Variants in TUBGCP3 observed in about 807,000 individuals in gnomAD.
TUBGCP3 encodes the protein tubulin gamma complex component 3.
TUBGCP3 carries 50 observed loss-of-function variants against 123.1 expected under a neutral mutation model. That is an observed-to-expected ratio of 0.41 (90% CI 0.32 to 0.51). The LOEUF (loss-of-function observed/expected upper bound fraction) is 0.51, where lower values mean the gene tolerates loss of function less well. Ranked by LOEUF, TUBGCP3 falls within the 20% of genes least tolerant of loss-of-function variation. TUBGCP3 has a pLI of 0.36. For missense variants in TUBGCP3, 882 were observed against 1,127.0 expected (o/e 0.78, Z 3.11); for synonymous variants, 405 against 413.9 (o/e 0.98, Z 0.26).
rs201922421 is a variant in TUBGCP3 at position 112,527,066 on chromosome 13, T to A, written c.1447-16A>T. 5.1e-6 allele frequency: 8 copies of A among 1,582,352 alleles called. No individual in the cohort carries two copies. In the South Asian group the frequency reaches 8.9e-5, roughly 18 times the overall value. On this transcript the variant is annotated splice_polypyrimidine_tract_variant and intron_variant, in intron 12 of 21. Transcript: ENST00000261965. ...TCAAAAGGACCTAAAAAGAAAAACATTCTATGATTACTTTTATGTAAATTT... is the reference window on the plus strand; with the variant it reads ...TCAAAAGGACCTAAAAAGAAAAACAATCTATGATTACTTTTATGTAAATTT...
At chr13:112,531,321 A>G (rs1877553430) in intron 11 of TUBGCP3, among the ~76,000 whole-genome samples, 1 of 152,208 alleles carries the variant, frequency 6.6e-6, no homozygotes, top group Non-Finnish European at 1.5e-5. Flanking sequence ...TCACTGATCT[A>G]TTTTAGCCTT....
chr13:112,551,364 T>C (rs1302823690), intron 8 of TUBGCP3, among the ~76,000 whole-genome samples: 1 of 147,432 alleles, frequency 6.8e-6, no homozygotes, highest in Admixed American at 6.7e-5. Flanking sequence ...TCATATATGA[T>C]TTTGCTCCAT....
chr13:112,528,572 T>C (rs1054155353), intron 11 of TUBGCP3, among the ~76,000 whole-genome samples: 11 of 152,242 alleles, frequency 7.2e-5, no homozygotes. Flanking sequence ...TGTTCTCTCA[T>C]CAATATACAA....
At chr13:112,601,387 A>G in the TUBGCP3 span, among the ~76,000 whole-genome samples, 30 of 152,074 alleles carry the variant, frequency 2.0e-4, no homozygotes, top group South Asian at 6.3e-3. Flanking sequence ...TTTTCTTTGT[A>G]AATTGGTTTA....
intron 3 of TUBGCP3, 28 bp from the exon 4 acceptor site, chr13:112,559,427 G>T (rs752143619): frequency 7.0e-6 from 11 of 1,566,018 alleles, no homozygotes; most frequent in African/African-American, 1.4e-5. Flanking sequence ...AATATTAAAA[G>T]AACGATTTTA....
chr13:112,581,917 A>T (rs1882301779), intron 1 of TUBGCP3, among the ~76,000 whole-genome samples: 1 of 152,130 alleles, frequency 6.6e-6, no homozygotes, highest in African/African-American at 2.4e-5. Context: ...CCTCAGATGG[A>T]TGTCATCATT....
intron 11 of TUBGCP3, among the ~76,000 whole-genome samples, chr13:112,540,040 A>C (rs770605500): frequency 0.017 from 1,050 of 63,130 alleles, 11 homozygotes; most frequent in African/African-American, 0.14. Flanking sequence ...GCCTATGAGC[A>C]TTCAGGTGGT....
intron 20 of TUBGCP3, among the ~76,000 whole-genome samples, chr13:112,490,673 A>G (rs925365858): frequency 6.6e-6 from 1 of 152,196 alleles, no homozygotes; most frequent in Non-Finnish European, 1.5e-5. Context: ...CCTTTTTTCA[A>G]TTATATTTCA....
In TUBGCP3 at chr13:112,565,080, G is replaced by A. The variant is rs373705069; in HGVS notation, c.252+31C>T. Reference sequence around the variant, plus strand: ...CCACTCATCATATCCTCAACAATGAGTGCAATGACCTCCAGAATTCTGCAC... The same window carrying A: ...CCACTCATCATATCCTCAACAATGAATGCAATGACCTCCAGAATTCTGCAC... On this transcript the variant is annotated intron_variant, in intron 3 of 21. Coordinates refer to ENST00000261965, the MANE Select transcript of TUBGCP3 (RefSeq NM_006322.6). The A allele has an allele frequency of 2.1e-5, 34 of 1,597,622 alleles. No homozygotes were observed. The African/African-American group carries it at 2.1e-4, about 10-fold the overall frequency.
At position 112,511,631 on chromosome 13, in the gene TUBGCP3, G is replaced by C. The variant is rs931903260; in HGVS notation, c.2086+4809C>G. Among the ~76,000 whole-genome samples the C allele has an allele frequency of 1.3e-5, 2 of 151,908 alleles. No individual in the cohort carries two copies. The highest frequency in any genetic ancestry group is 2.9e-5 in the Non-Finnish European group (2 of 68,020). On this transcript the variant is annotated intron_variant, in intron 17 of 21. Coordinates refer to ENST00000261965, the MANE Select transcript of TUBGCP3 (RefSeq NM_006322.6). This position sits in a 1 kb window ranked among gnomAD's most constrained non-coding sequence, Gnocchi z 4.1. ...GACACATTGAGAACATGAAAGCAATGTGTATCTTAGAAGTGATACAATATG... is the reference window on the plus strand; with the variant it reads ...GACACATTGAGAACATGAAAGCAATCTGTATCTTAGAAGTGATACAATATG...
At chr13:112,563,028 A>G (rs1033287216) in intron 3 of TUBGCP3, among the ~76,000 whole-genome samples, 2 of 152,060 alleles carry the variant, frequency 1.3e-5, no homozygotes, top group African/African-American at 4.8e-5. Flanking sequence ...GCAGATGCAC[A>G]ATGTTCTAGT....
chr13:112,542,071 A>T (rs759111859), intron 11 of TUBGCP3, among the ~76,000 whole-genome samples: 3 of 152,050 alleles, frequency 2.0e-5, no homozygotes, highest in Non-Finnish European at 4.4e-5. Flanking sequence ...TCTGGTGTAC[A>T]TGCTGGTCAA....
Position 112,496,713 on chromosome 13 carries a change from G to A in TUBGCP3, c.2448+2332C>T, listed in dbSNP as rs564254569. Among the ~76,000 whole-genome samples, 76 of 152,254 alleles carry A rather than the reference G, an allele frequency of 5.0e-4. 2 individuals carry two copies. The South Asian group carries it at 0.015, about 29-fold the overall frequency. ...TTAAAATCCGAAGGAGTGGCCGGGCGCGGTGGCTCATGCTTGTAATCCCAG... is the reference window on the plus strand; with the variant it reads ...TTAAAATCCGAAGGAGTGGCCGGGCACGGTGGCTCATGCTTGTAATCCCAG... On this transcript the variant is annotated intron_variant, in intron 20 of 21. Coordinates refer to ENST00000261965, the MANE Select transcript of TUBGCP3 (RefSeq NM_006322.6).
chr13:112,500,568 T>C (rs1880837750), intron 19 of TUBGCP3, among the ~76,000 whole-genome samples: 1 of 152,220 alleles, frequency 6.6e-6, no homozygotes, highest in African/African-American at 2.4e-5. Context: ...CCAGCCAAAT[T>C]TCTCAAATGT....
the TUBGCP3 span, among the ~76,000 whole-genome samples, chr13:112,596,353 C>T: frequency 6.6e-6 from 1 of 152,192 alleles, no homozygotes; most frequent in Non-Finnish European, 1.5e-5. Flanking sequence ...TCTTGACTCT[C>T]CTTTCATTCC....
upstream of TUBGCP3, among the ~76,000 whole-genome samples, chr13:112,590,922 CGG>C (rs1566601751): frequency 6.6e-6 from 1 of 152,178 alleles, no homozygotes; most frequent in African/African-American, 2.4e-5. Flanking sequence ...GAAATTATAA[CGG>C]ACAGACCTAT....
chr13:112,601,409 C>T, the TUBGCP3 span, among the ~76,000 whole-genome samples: 3 of 152,068 alleles, frequency 2.0e-5, no homozygotes, highest in Non-Finnish European at 4.4e-5. Flanking sequence ...TGTTCTCATT[C>T]TGTCGCCCGG....
chr13:112,581,276 G>T (rs1283097844), intron 1 of TUBGCP3, among the ~76,000 whole-genome samples: 1 of 152,178 alleles, frequency 6.6e-6, no homozygotes, highest in Admixed American at 6.5e-5. Context: ...CCTGCATAGT[G>T]GGGAAAGGAA....
chr13:112,547,565 C>T (rs41288620), intron 10 of TUBGCP3, 55 bp downstream of exon 10: 107,875 of 1,343,154 alleles, frequency 0.08, 7,369 homozygotes, highest in African/African-American at 0.37. Context: ...GGGAAAGTCG[C>T]GCGTGGGAAA....
Sources: allele counts gnomAD v4.1 joint callset (sites outside exome capture counted in the v4.1 genomes callset), GRCh38; gene constraint gnomAD v4.1.1; non-coding constraint Gnocchi (gnomAD v3.1); transcripts MANE v1.5; gene names NCBI Gene and HGNC (gene_info 2026-07-23, HGNC 2026-07-21).